Variants in SLC25A48 observed in about 807,000 individuals in gnomAD.
SLC25A48 encodes CTC-321K16.1.
Under a neutral mutation model 32.2 loss-of-function variants are expected in SLC25A48, and 29 were observed. That is an observed-to-expected ratio of 0.90 (90% CI 0.67 to 1.23). The LOEUF is 1.23. Among genes scored for constraint, SLC25A48 ranks in the 50% most tolerant of loss-of-function variants. The pLI is 0.00. For missense variants in SLC25A48, 399 were observed against 422.7 expected (o/e 0.94, Z 0.49); for synonymous variants, 164 against 172.3 (o/e 0.95, Z 0.38).
At chr5:135,734,082 A>G (rs1755294936) in intron 3 of SLC25A48, among the ~76,000 whole-genome samples, 1 of 152,192 alleles carries the variant, frequency 6.6e-6, no homozygotes. Flanking sequence ...ACAGGCTTCA[A>G]TCCCTTTAAA....
At chr5:135,785,989 C>T (rs568126304) in intron 3 of SLC25A48, among the ~76,000 whole-genome samples, 2 of 151,440 alleles carry the variant, frequency 1.3e-5, no homozygotes, top group Admixed American at 1.3e-4. Flanking sequence ...GGTTGAAACA[C>T]GCCCCTTGCT....
chr5:135,688,266 C>T (rs1325267772), intron 3 of SLC25A48, among the ~76,000 whole-genome samples: 3 of 152,136 alleles, frequency 2.0e-5, no homozygotes, highest in Admixed American at 1.3e-4. Context: ...TTTGCTTATC[C>T]ATTCATCCAC....
chr5:135,854,062 T>G (rs1211302927), intron 4 of SLC25A48, among the ~76,000 whole-genome samples: 2 of 152,214 alleles, frequency 1.3e-5, no homozygotes, highest in East Asian at 3.8e-4. Flanking sequence ...GGAATATTCT[T>G]TTCTGAGCAG....
intron 3 of SLC25A48, among the ~76,000 whole-genome samples, chr5:135,645,444 G>A (rs1307993169): frequency 6.6e-6 from 1 of 152,206 alleles, no homozygotes; most frequent in Admixed American, 6.5e-5. Context: ...AAAACCTTGA[G>A]GACGAAATGG....
At chr5:135,652,227 A>T (rs1256237497) in intron 3 of SLC25A48, 1 of 387,966 alleles carries the variant, frequency 2.6e-6, no homozygotes, top group Non-Finnish European at 5.1e-6. Context: ...CCCTGATATG[A>T]CACCATTCCC....
chr5:135,791,356 C>T (rs1368208902), intron 3 of SLC25A48, among the ~76,000 whole-genome samples: 1 of 151,710 alleles, frequency 6.6e-6, no homozygotes, highest in African/African-American at 2.4e-5. Context: ...TTGTTATATT[C>T]TAGGATGATG....
At chr5:135,813,900 C>T (rs959639631) in intron 4 of SLC25A48, among the ~76,000 whole-genome samples, 1 of 152,098 alleles carries the variant, frequency 6.6e-6, no homozygotes, top group African/African-American at 2.4e-5. Flanking sequence ...ACCCCCAAGC[C>T]GGCTCTGGGT....
intron 3 of SLC25A48, among the ~76,000 whole-genome samples, chr5:135,723,441 G>A (rs374074033): frequency 1.4e-5 from 2 of 145,252 alleles, no homozygotes; most frequent in Non-Finnish European, 3.0e-5. Context: ...CTCTAGGGAC[G>A]TCTGAGGTAC....
At chr5:135,828,728 C>T (rs1324238087) in intron 4 of SLC25A48, among the ~76,000 whole-genome samples, 1 of 152,242 alleles carries the variant, frequency 6.6e-6, no homozygotes, top group Non-Finnish European at 1.5e-5. Flanking sequence ...CTGAGGACTG[C>T]CTCTAGCCTG....
At chr5:135,770,032 C>T (rs1022688924) in intron 3 of SLC25A48, among the ~76,000 whole-genome samples, 1 of 151,456 alleles carries the variant, frequency 6.6e-6, no homozygotes, top group Non-Finnish European at 1.5e-5. Context: ...TGATATTACT[C>T]CCAATATTGA....
upstream of SLC25A48, among the ~76,000 whole-genome samples, chr5:135,831,265 G>T (rs1397836924): frequency 1.3e-5 from 2 of 152,200 alleles, no homozygotes; most frequent in East Asian, 1.9e-4. Context: ...CACCCTCCTT[G>T]TCTGCCAGCC....
chr5:135,787,359 C>A (rs1756873853), intron 3 of SLC25A48, among the ~76,000 whole-genome samples: 1 of 151,786 alleles, frequency 6.6e-6, no homozygotes, highest in Non-Finnish European at 1.5e-5. Context: ...TGGGTGTAGA[C>A]CCTGTACCAC....
intron 3 of SLC25A48, among the ~76,000 whole-genome samples, chr5:135,789,946 C>G (rs551473601): frequency 6.6e-6 from 1 of 151,822 alleles, no homozygotes; most frequent in African/African-American, 2.4e-5. Context: ...GGTGTACACT[C>G]ACTGTGACAT....
intron 3 of SLC25A48, among the ~76,000 whole-genome samples, chr5:135,788,128 G>A (rs1006527647): frequency 6.6e-6 from 1 of 151,830 alleles, no homozygotes; most frequent in Non-Finnish European, 1.5e-5. Flanking sequence ...GGCGAGGGGT[G>A]TACATTCCCC....
chr5:135,805,960 T>A (rs1359929623), intron 3 of SLC25A48, among the ~76,000 whole-genome samples: 1 of 151,762 alleles, frequency 6.6e-6, no homozygotes, highest in Non-Finnish European at 1.5e-5. Context: ...CATCCTGTGA[T>A]ATTATTTGTA....
intron 4 of SLC25A48, among the ~76,000 whole-genome samples, chr5:135,866,754 T>C (rs1205176675): frequency 5.3e-5 from 8 of 152,244 alleles, no homozygotes; most frequent in Admixed American, 5.2e-4. Context: ...GGGACTGAGC[T>C]GGACAAGGCA....
rs999806611 is a variant in SLC25A48, at chr5:135,850,033, G to T, written c.91-392G>T. Among the ~76,000 whole-genome samples the T allele has an allele frequency of 2.0e-5, 3 of 152,180 alleles. No individual in the cohort carries two copies. In the South Asian group the frequency reaches 6.2e-4, roughly 32 times the overall value. ...GGCCATGTTTCTGGTGAGGATGAGG[G>T]GTGAGGCCTAGGGTGGTGGTTCTAG... On this transcript the variant is annotated intron_variant, in intron 2 of 7. Coordinates refer to ENST00000681962, the MANE Select transcript of SLC25A48 (RefSeq NM_001349336.2).
intron 1 of SLC25A48, chr5:135,601,091 A>G (rs1341018803): frequency 6.6e-6 from 1 of 152,204 alleles, no homozygotes; most frequent in African/African-American, 2.4e-5. Context: ...CAAAAAACCA[A>G]CCACAGAAGA....
At position 135,840,498 on chromosome 5, in the gene SLC25A48, CA is replaced by C. The variant is rs767962972; in HGVS notation, c.47-1917del. ...TACATTCACAACACTGTGCAACCAT[CA>C]CTTCTATCTAGTTCCAAAACATTTT... On this transcript the variant is annotated intron_variant, in intron 1 of 7. Transcript: ENST00000681962. Among the ~76,000 whole-genome samples, 19 of 152,338 alleles carry C rather than the reference CA, an allele frequency of 1.2e-4. 1 individual carries two copies. Among genetic ancestry groups the C allele is most frequent in the Admixed American group, 1.0e-3 (16 of 15,302 alleles).
Sources: gnomAD v4.1 joint callset for allele counts (sites outside exome capture counted in the v4.1 genomes callset) on GRCh38, gnomAD v4.1.1 for gene constraint, MANE v1.5 for transcripts, NCBI Gene and HGNC (gene_info 2026-07-23, HGNC 2026-07-21) for gene names.